The following CDC42SE2 variants were observed in gnomAD, a reference collection of about 807,000 sequenced individuals.
The protein encoded by CDC42SE2 is CDC42 small effector 2, also known as CDC42 small effector protein 2.
In CDC42SE2, 3 loss-of-function variants were observed where a neutral mutation model predicts 11.5. The ratio of observed to expected loss-of-function variants is 0.26; its 90% CI spans 0.12 to 0.67. CDC42SE2 has a LOEUF of 0.67. CDC42SE2 is among the 30% of genes least tolerant of loss of function. CDC42SE2 has a pLI of 0.80. For synonymous variants in CDC42SE2, 33 were observed against 34.8 expected, an observed-to-expected ratio of 0.95 and a Z score of 0.18; for missense variants, 82 against 106.8, an observed-to-expected ratio of 0.77 and a Z score of 1.02.
At chr5:131,228,162 G>T in the CDC42SE2 span, among the ~76,000 whole-genome samples, 3 of 152,080 alleles carry the variant, frequency 2.0e-5, no homozygotes, top group Non-Finnish European at 4.4e-5. Context: ...AGCTGAGATT[G>T]CACCACTGCA....
chr5:131,300,578 A>G (rs896967036), intron 1 of CDC42SE2, among the ~76,000 whole-genome samples: 4 of 152,006 alleles, frequency 2.6e-5, no homozygotes, highest in Admixed American at 2.0e-4. Context: ...AGGTCAGGAG[A>G]TTGAGACCAT....
chr5:131,354,931 C>T (rs975337456), intron 2 of CDC42SE2, among the ~76,000 whole-genome samples: 2 of 152,160 alleles, frequency 1.3e-5, no homozygotes, highest in Admixed American at 1.3e-4. Flanking sequence ...AATCCTCATG[C>T]TTCAGCTGCG....
chr5:131,312,048 T>C (rs1457399297), intron 1 of CDC42SE2, among the ~76,000 whole-genome samples: 1 of 152,200 alleles, frequency 6.6e-6, no homozygotes, highest in Non-Finnish European at 1.5e-5. Context: ...AGTTTTTCCG[T>C]TCTGTTTTTT....
chr5:131,307,805 C>T (rs977103224), intron 1 of CDC42SE2, among the ~76,000 whole-genome samples: 32 of 152,204 alleles, frequency 2.1e-4, no homozygotes, highest in African/African-American at 6.8e-4. Flanking sequence ...ATTTGCATTT[C>T]TCTGATGGCC....
chr5:131,371,513 T>G (rs762416804), intron 3 of CDC42SE2, among the ~76,000 whole-genome samples: 11 of 152,258 alleles, frequency 7.2e-5, no homozygotes, highest in Admixed American at 4.6e-4. Context: ...GGATATTGTT[T>G]GTTTTATATG....
intron 1 of CDC42SE2, among the ~76,000 whole-genome samples, chr5:131,275,456 C>T (rs1398377482): frequency 6.6e-6 from 1 of 151,956 alleles, no homozygotes; most frequent in African/African-American, 2.4e-5. Context: ...ACCACCAGGC[C>T]AGGCTAATTT....
intron 2 of CDC42SE2, among the ~76,000 whole-genome samples, chr5:131,330,064 G>A (rs1175272104): frequency 2.0e-5 from 3 of 151,990 alleles, no homozygotes; most frequent in African/African-American, 7.3e-5. Flanking sequence ...CTTAAATGTA[G>A]CATCATCAGC....
At chr5:131,322,705 A>G (rs996658131) in intron 2 of CDC42SE2, among the ~76,000 whole-genome samples, 4 of 152,038 alleles carry the variant, frequency 2.6e-5, no homozygotes, top group African/African-American at 9.7e-5. Context: ...GTTGGTGGAC[A>G]TTTGGGTTGC....
chr5:131,235,837 G>A, the CDC42SE2 span, among the ~76,000 whole-genome samples: 2 of 151,348 alleles, frequency 1.3e-5, no homozygotes, highest in Non-Finnish European at 2.9e-5. Flanking sequence ...TGGTGGATCC[G>A]CCTGCCTCAG....
chr5:131,256,689 C>CCTAGA (rs1165033625), intron 2 of CDC42SE2, among the ~76,000 whole-genome samples: 1 of 152,180 alleles, frequency 6.6e-6, no homozygotes, highest in East Asian at 1.9e-4. Context: ...AGCTGTCAGC[C>CCTAGA]AAGGGCCACT....
At chr5:131,384,789 T>G (rs1359834700) in intron 3 of CDC42SE2, among the ~76,000 whole-genome samples, 1 of 151,514 alleles carries the variant, frequency 6.6e-6, no homozygotes, top group Non-Finnish European at 1.5e-5. Context: ...TTTTCAAAAA[T>G]TAGGAAGAGT....
At chr5:131,254,591 TAGTA>T (rs1248529999) in intron 1 of CDC42SE2, among the ~76,000 whole-genome samples, 4 of 150,534 alleles carry the variant, frequency 2.7e-5, no homozygotes, top group African/African-American at 9.8e-5. Context: ...AGAAAAGAAA[TAGTA>T]AGTCTTTAGG....
chr5:131,388,623 A>G (rs1159648128), intron 4 of CDC42SE2, among the ~76,000 whole-genome samples: 1 of 152,240 alleles, frequency 6.6e-6, no homozygotes, highest in African/African-American at 2.4e-5. Flanking sequence ...TTACCCGTTC[A>G]GTAATACAAC....
intron 1 of CDC42SE2, among the ~76,000 whole-genome samples, chr5:131,302,101 G>A (rs1341740643): frequency 1.3e-5 from 2 of 151,988 alleles, no homozygotes; most frequent in Non-Finnish European, 1.5e-5. Flanking sequence ...CTGCCTCCCC[G>A]GCTCAAGCGA....
intron 1 of CDC42SE2, among the ~76,000 whole-genome samples, chr5:131,310,569 T>C (rs1757882680): frequency 6.6e-6 from 1 of 151,578 alleles, no homozygotes; most frequent in Non-Finnish European, 1.5e-5. Context: ...CCATTATTAA[T>C]GTGTGGGAGT....
At chr5:131,344,535 A>G (rs958832730) in intron 2 of CDC42SE2, among the ~76,000 whole-genome samples, 1 of 152,350 alleles carries the variant, frequency 6.6e-6, no homozygotes, top group Middle Eastern at 3.4e-3. Flanking sequence ...CCACAGCTCA[A>G]GGAGGCCTGC....
intron 3 of CDC42SE2, among the ~76,000 whole-genome samples, chr5:131,377,204 C>T (rs1403513568): frequency 4.1e-5 from 6 of 146,852 alleles, no homozygotes; most frequent in Admixed American, 4.0e-4. Flanking sequence ...GACAGAGTCT[C>T]TCTCTGTTGC....
chr5:131,215,382 G>C, the CDC42SE2 span, among the ~76,000 whole-genome samples: 1 of 152,314 alleles, frequency 6.6e-6, no homozygotes, highest in Admixed American at 6.5e-5. Context: ...GGAGGAATTG[G>C]TTTAAAGAAT....
chr5:131,268,742 A>G (rs114830672), intron 1 of CDC42SE2, among the ~76,000 whole-genome samples: 4,828 of 136,426 alleles, frequency 0.035, 283 homozygotes, highest in African/African-American at 0.13. Flanking sequence ...ATGAGCCACC[A>G]CACCCGGATT....
Sources: allele counts gnomAD v4.1 joint callset (sites outside exome capture counted in the v4.1 genomes callset), GRCh38; gene constraint gnomAD v4.1.1; transcripts MANE v1.5; gene names NCBI Gene and HGNC (gene_info 2026-07-23, HGNC 2026-07-21).